The following SDK2 variants were observed in gnomAD, a reference collection of about 807,000 sequenced individuals.
SDK2 encodes protein sidekick-2.
Under a neutral mutation model 253.9 loss-of-function variants are expected in SDK2, and 105 were observed. That is an observed-to-expected ratio of 0.41 (90% confidence interval 0.35 to 0.49). The LOEUF (loss-of-function observed/expected upper bound fraction) is 0.49. Ranked by LOEUF, SDK2 falls within the 20% of genes least tolerant of loss-of-function variation. The pLI is 0.06. For missense variants in SDK2, 2,608 were observed against 3,003.0 expected (o/e 0.87, Z 3.07); for synonymous variants, 1,249 against 1,234.9 (o/e 1.01, Z -0.24).
At chr17:73,463,276 G>T (rs1369207852) in intron 3 of SDK2, among the ~76,000 whole-genome samples, 1 of 152,204 alleles carries the variant, frequency 6.6e-6, no homozygotes, top group African/African-American at 2.4e-5. Context: ...AGTAGAAGGT[G>T]CTGAAAATTA....
rs746208643 is a variant in SDK2 at position 73,350,223 on chromosome 17, A to ACTGCTGGGCCTG, written c.6038+13_6038+14insCAGGCCCAGCAG. The stretch of plus-strand genomic sequence containing the variant: ...GCTGGGCCTGGCCCCCAACCCACGC[A>ACTGCTGGGCCTG]GAGGGCCCAGTACCTGGTGTACAGG... On this transcript the variant is annotated intron_variant, in intron 43 of 44. Coordinates refer to ENST00000392650, the MANE Select transcript of SDK2 (RefSeq NM_001144952.2). The ACTGCTGGGCCTG allele has an allele frequency of 2.5e-6, 4 of 1,578,516 alleles. No individual in the cohort carries two copies. Among genetic ancestry groups the ACTGCTGGGCCTG allele is most frequent in the Admixed American group, 1.8e-5 (1 of 54,396 alleles).
intron 1 of SDK2, among the ~76,000 whole-genome samples, chr17:73,547,840 G>C (rs1350037512): frequency 6.6e-6 from 1 of 152,176 alleles, no homozygotes; most frequent in Non-Finnish European, 1.5e-5. Context: ...ACCTGAGACT[G>C]GGTAATTTAC....
intron 1 of SDK2, among the ~76,000 whole-genome samples, chr17:73,535,136 G>A (rs939037285): frequency 4.6e-5 from 7 of 152,304 alleles, no homozygotes; most frequent in South Asian, 2.1e-4. Context: ...AGGTGGCCTC[G>A]ACGCCAAGCC....
chr17:73,436,589 A>AT (rs531502077), intron 8 of SDK2, among the ~76,000 whole-genome samples: 124 of 96,252 alleles, frequency 1.3e-3, no homozygotes, highest in Middle Eastern at 6.3e-3. Flanking sequence ...AAAAAAAAAA[A>AT]AAAAAAAAAA....
At chr17:73,509,254 G>A (rs887221522) in intron 1 of SDK2, among the ~76,000 whole-genome samples, 4 of 152,164 alleles carry the variant, frequency 2.6e-5, no homozygotes, top group Admixed American at 6.5e-5. Flanking sequence ...CTACCTTCAC[G>A]TCTAAGGATG....
At chr17:73,483,655 GTGTGTGTATA>G (rs1210866281) in intron 2 of SDK2, among the ~76,000 whole-genome samples, 6 of 38,802 alleles carry the variant, frequency 1.5e-4, no homozygotes, top group Non-Finnish European at 2.6e-4. Flanking sequence ...GTGTGTGTGT[GTGTGTGTATA>G]TATATATATA....
At chr17:73,358,332 T>C (rs1346698435) in intron 39 of SDK2, 128 bp from the exon 40 acceptor site, 7 of 1,268,810 alleles carry the variant, frequency 5.5e-6, no homozygotes, top group Non-Finnish European at 7.5e-6. Context: ...CAGGAAGCCC[T>C]GCAAATGTCG....
chr17:73,487,380 C>T (rs975399662), intron 2 of SDK2, among the ~76,000 whole-genome samples: 1 of 152,196 alleles, frequency 6.6e-6, no homozygotes, highest in Non-Finnish European at 1.5e-5. Flanking sequence ...ACAGATGGAC[C>T]CCAATGCCAG....
chr17:73,352,485 G>T lies in SDK2; in HGVS notation c.5746C>A (p.Gln1916Lys). ...CCCAGGCCGGTACCTGGCACAGACT[G>T]GGAGGGGCTGCTGGGGGTGCCGAAA... ...YGFGTPSSPS[Q>K]SVPAQKANPF... Residue 1916 changes from glutamine to lysine, a missense_variant, in exon 41 of 45, where the codon CAG becomes AAG. Gln to Lys is a moderately conservative substitution (Grantham distance 53). This residue lies in a region of SDK2 where 1,103 missense variants were observed against 1,143.9 expected (regional missense o/e 0.96). Coordinates refer to ENST00000392650, the MANE Select transcript of SDK2 (RefSeq NM_001144952.2). This position sits in a 1 kb window ranked among gnomAD's most constrained non-coding sequence, Gnocchi z 4.1. The T allele has an allele frequency of 6.2e-7, 1 of 1,613,158 alleles. No individual in the cohort carries two copies. Among genetic ancestry groups the T allele is most frequent in the East Asian group, 2.2e-5 (1 of 44,858 alleles).
intron 1 of SDK2, among the ~76,000 whole-genome samples, chr17:73,586,870 A>T (rs1395863031): frequency 1.3e-5 from 2 of 152,210 alleles, no homozygotes; most frequent in Non-Finnish European, 2.9e-5. Context: ...CATTTTAGAG[A>T]TGGAAAAACT....
rs752777513 is a variant in SDK2 at position 73,390,432 on chromosome 17, A to C, written c.4047T>G (p.Thr1349=). The C allele has an allele frequency of 1.9e-6, 3 of 1,612,376 alleles. No individual in the cohort carries two copies. The highest frequency in any genetic ancestry group is 1.3e-5 in the African/African-American group (1 of 74,942). Residue 1349 remains threonine (T), a synonymous_variant, in exon 29 of 45, where the codon ACT becomes ACG. Transcript: ENST00000392650. ...RLNTTTANTA[T]VEVLAPSARQ... is the part of the protein sequence containing the mutation. ...GGGCGCTGGGTGCCAGCACCTCCACAGTGGCGGTGTTGGCCGTGGTGGTGT... is the reference window on the plus strand; with the variant it reads ...GGGCGCTGGGTGCCAGCACCTCCACCGTGGCGGTGTTGGCCGTGGTGGTGT...
At chr17:73,626,530 G>A (rs1858030) in intron 1 of SDK2, among the ~76,000 whole-genome samples, 48,969 of 152,100 alleles carry the variant, frequency 0.32, 7,962 homozygotes, top group South Asian at 0.37. Context: ...TGGCCTGCAA[G>A]TTCCAGCTCA....
intron 1 of SDK2, among the ~76,000 whole-genome samples, chr17:73,590,626 G>A (rs1312212996): frequency 6.6e-6 from 1 of 152,196 alleles, no homozygotes; most frequent in Non-Finnish European, 1.5e-5. Context: ...GTTCTGAGGT[G>A]GGGAATCTGG....
At chr17:73,398,473 C>A (rs780394823) in intron 22 of SDK2, 44 bp from the exon 23 acceptor site, 13 of 1,538,568 alleles carry the variant, frequency 8.4e-6, no homozygotes, top group Non-Finnish European at 1.2e-5. Context: ...CTACAGGGCC[C>A]ACACGGGGTG....
intron 2 of SDK2, among the ~76,000 whole-genome samples, chr17:73,474,650 C>T (rs556148026): frequency 2.0e-5 from 3 of 152,342 alleles, no homozygotes; most frequent in East Asian, 3.9e-4. Flanking sequence ...AATCTCTCTT[C>T]CTCCGTTCAC....
In SDK2 at chr17:73,481,971, C is replaced by T. The variant is rs1365883652; in HGVS notation, c.225-9753G>A. ...CTCTGCACAACCCCGACTAATACAC[C>T]GACCGTAGAATATGGGAGATAGGCC... On this transcript the variant is annotated intron_variant, in intron 2 of 44. Coordinates refer to ENST00000392650, the MANE Select transcript of SDK2 (RefSeq NM_001144952.2). This position sits in a 1 kb window ranked among gnomAD's most constrained non-coding sequence, Gnocchi z 4.5. Among the ~76,000 whole-genome samples the T allele has an allele frequency of 3.3e-5, 5 of 152,132 alleles. No individual in the cohort carries two copies. In the South Asian group the frequency reaches 6.2e-4, roughly 19 times the overall value.
At chr17:73,621,190 A>G (rs946404840) in intron 1 of SDK2, among the ~76,000 whole-genome samples, 14 of 152,222 alleles carry the variant, frequency 9.2e-5, no homozygotes, top group African/African-American at 3.4e-4. Flanking sequence ...CCCCTGAACT[A>G]TATGTACTCA....
At chr17:73,384,142 T>C in intron 32 of SDK2, 131 bp from the exon 33 acceptor site, 2 of 1,053,510 alleles carry the variant, frequency 1.9e-6, no homozygotes, top group South Asian at 3.4e-5. Flanking sequence ...ATCAAGATAA[T>C]ATTGGGCATT....
chr17:73,400,939 C>A (rs543994477), intron 21 of SDK2, 81 bp downstream of exon 21: 3 of 1,371,932 alleles, frequency 2.2e-6, no homozygotes, highest in Non-Finnish European at 2.0e-6. Context: ...TGAGCCACCA[C>A]GCCCAGCCGA....
Sources: gnomAD v4.1 joint callset for allele counts (sites outside exome capture counted in the v4.1 genomes callset) on GRCh38, gnomAD v4.1.1 for gene constraint, gnomAD v4.1.1 regional missense constraint, Gnocchi (gnomAD v3.1) non-coding constraint, MANE v1.5 for transcripts, NCBI Gene and HGNC (gene_info 2026-07-23, HGNC 2026-07-21) for gene names.